Variants in ELAVL2 observed in about 807,000 individuals in gnomAD.
ELAVL2 encodes ELAV like RNA binding protein 2.
A neutral mutation model predicts 34.6 loss-of-function variants in ELAVL2; 4 were observed. That is an observed-to-expected ratio of 0.12 (90% CI 0.06 to 0.26). The LOEUF is 0.26. Among genes scored for constraint, ELAVL2 ranks in the 10% least tolerant of loss-of-function variants. ELAVL2 has a pLI of 1.00. For missense variants in ELAVL2, 432 were observed against 442.8 expected, an observed-to-expected ratio of 0.98 and a Z score of 0.22; for synonymous variants, 193 against 154.8, an observed-to-expected ratio of 1.25 and a Z score of -1.83.
chr9:23,807,998 T>C (rs1361671269), intron 1 of ELAVL2, among the ~76,000 whole-genome samples: 1 of 152,028 alleles, frequency 6.6e-6, no homozygotes, highest in Non-Finnish European at 1.5e-5. Context: ...TCGTAAAAAA[T>C]ATAAAAAGCC....
At chr9:23,802,128 G>T (rs907704430) in intron 1 of ELAVL2, among the ~76,000 whole-genome samples, 4 of 152,124 alleles carry the variant, frequency 2.6e-5, no homozygotes, top group African/African-American at 7.2e-5. Flanking sequence ...CAACAAACTA[G>T]GACAATGAAA....
chr9:23,799,590 T>C (rs771160605), intron 1 of ELAVL2, among the ~76,000 whole-genome samples: 8 of 152,196 alleles, frequency 5.3e-5, no homozygotes, highest in African/African-American at 1.9e-4. Context: ...CTTAATAAGA[T>C]TAATTCTTTG....
At chr9:23,807,849 AT>A (rs1203552796) in intron 1 of ELAVL2, among the ~76,000 whole-genome samples, 2 of 152,194 alleles carry the variant, frequency 1.3e-5, no homozygotes, top group Non-Finnish European at 2.9e-5. Flanking sequence ...AATCCAACAC[AT>A]TTTCAAAGCC....
intron 1 of ELAVL2, among the ~76,000 whole-genome samples, chr9:23,768,734 C>T (rs1009875921): frequency 3.3e-5 from 5 of 152,092 alleles, no homozygotes; most frequent in South Asian, 4.1e-4. Flanking sequence ...CAAGACAAAT[C>T]CAAGCCTCTG....
At chr9:23,811,167 T>C (rs986021390) in intron 1 of ELAVL2, among the ~76,000 whole-genome samples, 3 of 152,082 alleles carry the variant, frequency 2.0e-5, no homozygotes, top group Admixed American at 6.5e-5. Context: ...CACAAAACAA[T>C]GTTTATAAGT....
chr9:23,715,861 A>C (rs2042158836), intron 3 of ELAVL2, among the ~76,000 whole-genome samples: 1 of 152,094 alleles, frequency 6.6e-6, no homozygotes, highest in Admixed American at 6.5e-5. Flanking sequence ...AATAAAAAAC[A>C]ACCAGTACCG....
At chr9:23,776,469 T>C (rs2058205970) in intron 1 of ELAVL2, among the ~76,000 whole-genome samples, 3 of 151,986 alleles carry the variant, frequency 2.0e-5, no homozygotes, top group Admixed American at 6.6e-5. Context: ...GTCTGGTGTG[T>C]AGAATACCAA....
intron 1 of ELAVL2, among the ~76,000 whole-genome samples, chr9:23,815,794 G>GT (rs2138296225): frequency 6.7e-6 from 1 of 148,174 alleles, no homozygotes; most frequent in East Asian, 2.0e-4. Flanking sequence ...AACCTACTGA[G>GT]ACAACTCAGC....
intron 1 of ELAVL2, among the ~76,000 whole-genome samples, chr9:23,805,485 A>C (rs959833968): frequency 1.3e-5 from 2 of 152,236 alleles, no homozygotes; most frequent in Non-Finnish European, 2.9e-5. Flanking sequence ...CTGCAGCTTT[A>C]AAATGAGTTG....
chr9:23,814,376 C>T (rs947276264), intron 1 of ELAVL2, among the ~76,000 whole-genome samples: 3 of 152,138 alleles, frequency 2.0e-5, no homozygotes, highest in Admixed American at 1.3e-4. Flanking sequence ...GGACCTGGAA[C>T]TAAGCACAAG....
chr9:23,732,753 G>C (rs989003078), intron 2 of ELAVL2, among the ~76,000 whole-genome samples: 1 of 152,074 alleles, frequency 6.6e-6, no homozygotes, highest in Non-Finnish European at 1.5e-5. Flanking sequence ...AGTTAGCTGT[G>C]CAACTTTGAA....
intron 1 of ELAVL2, chr9:23,783,571 A>G (rs914710075): frequency 7.0e-6 from 6 of 861,286 alleles, no homozygotes; most frequent in Non-Finnish European, 8.4e-6. Context: ...ACACAGAAGA[A>G]AACAGATATG....
chr9:23,700,584 G>T (rs139949826), intron 5 of ELAVL2, among the ~76,000 whole-genome samples: 51 of 152,280 alleles, frequency 3.3e-4, no homozygotes, highest in African/African-American at 1.2e-3. Flanking sequence ...ACCTGTTGCT[G>T]TATGGGCTAT....
At chr9:23,850,483 G>T in the ELAVL2 span, among the ~76,000 whole-genome samples, 6 of 152,022 alleles carry the variant, frequency 3.9e-5, no homozygotes, top group Non-Finnish European at 8.8e-5. Context: ...TTGCCGTCTC[G>T]TTCCTGCCTC....
chr9:23,708,797 A>T (rs2040119694), intron 3 of ELAVL2, among the ~76,000 whole-genome samples: 1 of 151,958 alleles, frequency 6.6e-6, no homozygotes, highest in South Asian at 2.1e-4. Flanking sequence ...ATGTACCACC[A>T]CACTGGCTTT....
chr9:23,777,425 G>T (rs970643729), intron 1 of ELAVL2, among the ~76,000 whole-genome samples: 2 of 152,126 alleles, frequency 1.3e-5, no homozygotes, highest in Admixed American at 6.5e-5. Flanking sequence ...CTCTAGTTGA[G>T]AATCACTATA....
intron 2 of ELAVL2, among the ~76,000 whole-genome samples, chr9:23,742,911 A>G (rs1421787434): frequency 1.3e-5 from 2 of 152,214 alleles, no homozygotes; most frequent in Non-Finnish European, 2.9e-5. Context: ...TTACATGCTT[A>G]GGAAAAATTC....
intron 3 of ELAVL2, among the ~76,000 whole-genome samples, chr9:23,715,432 G>A (rs1587592492): frequency 6.6e-6 from 1 of 152,222 alleles, no homozygotes; most frequent in Admixed American, 6.5e-5. Flanking sequence ...ACAGGCGTGA[G>A]CCACCACGCC....
At position 23,798,378 on chromosome 9, in the gene ELAVL2, C is replaced by T. The variant is rs191195505; in HGVS notation, c.-16+27428G>A. Among the ~76,000 whole-genome samples, 3 of 152,238 alleles carry T rather than the reference C, an allele frequency of 2.0e-5. No homozygotes were observed. In the East Asian group the frequency reaches 5.8e-4, roughly 29 times the overall value. On this transcript the variant is annotated intron_variant, in intron 1 of 6. Transcript: ENST00000397312. ...GTTCTAATTCCAGCTCTGTCATTTA[C>T]TGCATCTTTGGGCCTGTAACTTAAA...
Sources: gnomAD v4.1 joint callset for allele counts (sites outside exome capture counted in the v4.1 genomes callset) on GRCh38, gnomAD v4.1.1 for gene constraint, MANE v1.5 for transcripts, NCBI Gene and HGNC (gene_info 2026-07-23, HGNC 2026-07-21) for gene names.